CSGALNACT1: variants seen among roughly 807,000 people sequenced by gnomAD.
CSGALNACT1 encodes the protein beta4GalNAcT-1.
CSGALNACT1 carries 52 observed loss-of-function variants against 51.0 expected under a neutral mutation model. That is an observed-to-expected ratio of 1.02 (90% CI 0.82 to 1.29). CSGALNACT1 has a LOEUF of 1.29. Among genes scored for constraint, CSGALNACT1 ranks in the 50% most tolerant of loss-of-function variants. The pLI is 0.00. For missense variants in CSGALNACT1, 935 were observed against 679.2 expected, an observed-to-expected ratio of 1.38 and a Z score of -4.19; for synonymous variants, 341 against 254.4, an observed-to-expected ratio of 1.34 and a Z score of -3.24.
chr8:19,591,874 A>T (rs948751632), intron 2 of CSGALNACT1, among the ~76,000 whole-genome samples: 8 of 152,170 alleles, frequency 5.3e-5, no homozygotes, highest in Admixed American at 5.2e-4. Flanking sequence ...AGTATTTGCT[A>T]TATTATAGTA....
At position 19,653,302 on chromosome 8, in the gene CSGALNACT1, T is replaced by A. The variant is rs549856291; in HGVS notation, c.-544+29171A>T. Among the ~76,000 whole-genome samples the A allele has an allele frequency of 9.8e-5, 15 of 152,290 alleles. No homozygotes were observed. The South Asian group carries it at 3.1e-3, about 32-fold the overall frequency. On this transcript the variant is annotated intron_variant, in intron 1 of 9. Coordinates refer to the CSGALNACT1 transcript ENST00000332246. ...GAGCACACAGCGCTGTTGACATCGC[T>A]GAGTATCCCTACAGGCAGCAATCCT...
In CSGALNACT1 at chr8:19,594,572, G is replaced by A. The variant is rs74788150; in HGVS notation, c.-415-3294C>T. The stretch of plus-strand genomic sequence containing the variant: ...ACCGTCTTCATTCCAACTTTAGGTC[G>A]TGACTCAAATTAGTCACAAGGAGTG... On this transcript the variant is annotated intron_variant, in intron 2 of 9. Coordinates refer to ENST00000454498, the Ensembl canonical transcript of CSGALNACT1. 9.0e-3 allele frequency among the ~76,000 whole-genome samples: 1,369 copies of A among 152,234 alleles called. 23 individuals are homozygous for A. Among genetic ancestry groups the A allele is most frequent in the African/African-American group, 0.031 (1,272 of 41,546 alleles).
intron 4 of CSGALNACT1, among the ~76,000 whole-genome samples, chr8:19,496,634 G>T (rs760149924): frequency 6.6e-6 from 1 of 152,222 alleles, no homozygotes; most frequent in African/African-American, 2.4e-5. Context: ...TTGGAACTTA[G>T]TAGAGAGGTG....
chr8:19,463,320 G>C (rs1265045217), intron 4 of CSGALNACT1, among the ~76,000 whole-genome samples: 1 of 152,110 alleles, frequency 6.6e-6, no homozygotes, highest in Non-Finnish European at 1.5e-5. Context: ...TGCAACCTAA[G>C]TCCAGCAAAA....
intron 3 of CSGALNACT1, among the ~76,000 whole-genome samples, chr8:19,542,111 T>G (rs908107030): frequency 6.6e-6 from 1 of 152,058 alleles, no homozygotes; most frequent in Admixed American, 6.5e-5. Context: ...TGACAAGGAA[T>G]TGTTTTCCAA....
chr8:19,641,093 G>A (rs184589299), intron 1 of CSGALNACT1, among the ~76,000 whole-genome samples: 6 of 150,128 alleles, frequency 4.0e-5, no homozygotes, highest in East Asian at 2.0e-4. Flanking sequence ...CCAGGGATGC[G>A]GAATCTACCT....
At chr8:19,511,670 C>T (rs909655188) in intron 3 of CSGALNACT1, among the ~76,000 whole-genome samples, 1 of 152,140 alleles carries the variant, frequency 6.6e-6, no homozygotes, top group Non-Finnish European at 1.5e-5. Flanking sequence ...TGTGTGTCTG[C>T]TCCCACACTG....
exon 4 of CSGALNACT1, chr8:19,505,805 C>A: frequency 6.2e-7 from 1 of 1,613,292 alleles, no homozygotes; most frequent in Non-Finnish European, 8.5e-7. Context: ...GGGAAATCCA[C>A]GCAAGCAGCC....
At chr8:19,689,852 CGTAGA>C (rs1293519849) in intron 1 of CSGALNACT1, among the ~76,000 whole-genome samples, 2 of 152,194 alleles carry the variant, frequency 1.3e-5, no homozygotes, top group African/African-American at 4.8e-5. Flanking sequence ...AGGAAAGTGA[CGTAGA>C]GTAACCTGAT....
At chr8:19,632,757 G>C (rs1589157519) in intron 1 of CSGALNACT1, among the ~76,000 whole-genome samples, 1 of 152,056 alleles carries the variant, frequency 6.6e-6, no homozygotes, top group East Asian at 1.9e-4. Context: ...ACATTCTGCT[G>C]AGTCTTTTAC....
chr8:19,502,354 A>G (rs141157337), intron 4 of CSGALNACT1, among the ~76,000 whole-genome samples: 143 of 152,322 alleles, frequency 9.4e-4, no homozygotes, highest in Middle Eastern at 6.8e-3. Flanking sequence ...GGATTAGGAA[A>G]CTGAGTCTCA....
At position 19,457,914 on chromosome 8, in the gene CSGALNACT1, C is replaced by G. The variant is rs1332035691; in HGVS notation, c.851+512G>C. The G allele has an allele frequency of 5.3e-5, 39 of 739,500 alleles. No homozygotes were observed. In the East Asian group the frequency reaches 2.2e-3, roughly 41 times the overall value. The allele number at this position is 739,500 out of a possible 1,614,324, so 45.8% of individuals were successfully genotyped here. ...TTCTACACTTAAGTCTAAGATGATGCAGGTTACAATAAAAGATAGATTTGG... is the reference window on the plus strand; with the variant it reads ...TTCTACACTTAAGTCTAAGATGATGGAGGTTACAATAAAAGATAGATTTGG... On this transcript the variant is annotated intron_variant, in intron 5 of 9. Transcript: ENST00000454498.
chr8:19,468,599 T>C (rs971724072), intron 4 of CSGALNACT1, among the ~76,000 whole-genome samples: 2 of 151,690 alleles, frequency 1.3e-5, no homozygotes, highest in Non-Finnish European at 2.9e-5. Flanking sequence ...TAGCAGGAAA[T>C]GACAAGAGCC....
chr8:19,500,585 A>C (rs1180953763), intron 4 of CSGALNACT1, among the ~76,000 whole-genome samples: 5 of 152,218 alleles, frequency 3.3e-5, no homozygotes, highest in Non-Finnish European at 5.9e-5. Flanking sequence ...AAGCTTTAGC[A>C]AAGTGGTCAC....
chr8:19,595,678 G>A (rs181478143), intron 2 of CSGALNACT1, among the ~76,000 whole-genome samples: 15 of 152,000 alleles, frequency 9.9e-5, no homozygotes, highest in Admixed American at 2.6e-4. Context: ...CACTTTGGGA[G>A]GCCAAGGCAG....
intron 4 of CSGALNACT1, among the ~76,000 whole-genome samples, chr8:19,480,602 G>A (rs1381770803): frequency 2.0e-5 from 3 of 152,118 alleles, no homozygotes; most frequent in Admixed American, 6.6e-5. Context: ...CTTTACAATA[G>A]AACAATTTCT....
At chr8:19,419,010 C>A (rs893911299) in intron 7 of CSGALNACT1, among the ~76,000 whole-genome samples, 1 of 152,092 alleles carries the variant, frequency 6.6e-6, no homozygotes, top group Non-Finnish European at 1.5e-5. Context: ...CCACACCCGG[C>A]CAATTTTTTT....
intron 1 of CSGALNACT1, among the ~76,000 whole-genome samples, chr8:19,635,959 A>G (rs766469890): frequency 6.6e-6 from 1 of 152,102 alleles, no homozygotes; most frequent in African/African-American, 2.4e-5. Context: ...CGAACTCCTG[A>G]CCTCAGATGA....
chr8:19,742,839 G>T (rs1170049820), intron 1 of CSGALNACT1, among the ~76,000 whole-genome samples: 1 of 152,194 alleles, frequency 6.6e-6, no homozygotes, highest in African/African-American at 2.4e-5. Flanking sequence ...CCACTGTACT[G>T]TAGAAAATGC....
Sources: gnomAD v4.1 joint callset for allele counts (sites outside exome capture counted in the v4.1 genomes callset) on GRCh38, gnomAD v4.1.1 for gene constraint, MANE v1.5 for transcripts, NCBI Gene and HGNC (gene_info 2026-07-23, HGNC 2026-07-21) for gene names.